ABI2: variants seen among roughly 807,000 people sequenced by gnomAD.
The protein encoded by ABI2 is abelson interactor 2.
ABI2 carries 25 observed loss-of-function variants against 59.2 expected under a neutral mutation model. The ratio of observed to expected loss-of-function variants is 0.42; its 90% CI spans 0.31 to 0.59. The LOEUF (loss-of-function observed/expected upper bound fraction) is 0.59, where lower values mean the gene tolerates loss of function less well. Ranked by LOEUF, ABI2 falls within the 20% of genes least tolerant of loss-of-function variation. ABI2 has a pLI of 0.14. For missense variants in ABI2, 545 were observed against 681.8 expected, an observed-to-expected ratio of 0.80 and a Z score of 2.23; for synonymous variants, 213 against 235.5, an observed-to-expected ratio of 0.90 and a Z score of 0.87.
At chr2:203,381,417 G>A (rs533873220) in intron 3 of ABI2, among the ~76,000 whole-genome samples, 4 of 152,218 alleles carry the variant, frequency 2.6e-5, no homozygotes, top group East Asian at 1.9e-4. Context: ...CTACAGGCAC[G>A]TGCCACCATG....
chr2:203,426,109 A>T (rs1032962117), intron 11 of ABI2, among the ~76,000 whole-genome samples: 7 of 152,200 alleles, frequency 4.6e-5, no homozygotes, highest in African/African-American at 1.7e-4. Context: ...ATTTTTATTA[A>T]AACAGGCCAG....
chr2:203,335,871 G>A (rs980543228), intron 1 of ABI2, among the ~76,000 whole-genome samples: 1 of 152,046 alleles, frequency 6.6e-6, no homozygotes, highest in Non-Finnish European at 1.5e-5. Flanking sequence ...AGGTGTAAAG[G>A]TTTATGAATT....
At chr2:203,350,072 T>A (rs1438948316) in intron 1 of ABI2, among the ~76,000 whole-genome samples, 1 of 152,186 alleles carries the variant, frequency 6.6e-6, no homozygotes, top group Non-Finnish European at 1.5e-5. Context: ...GACTGTCTCT[T>A]TATTTAAATT....
chr2:203,387,863 G>A (rs1038230279), intron 4 of ABI2, among the ~76,000 whole-genome samples: 2 of 152,086 alleles, frequency 1.3e-5, no homozygotes, highest in Admixed American at 6.6e-5. Context: ...TGTCGCTGTC[G>A]TTAAGTTCCT....
intron 11 of ABI2, 57 bp from the exon 12 acceptor site, chr2:203,427,119 CT>C: frequency 3.3e-6 from 5 of 1,501,704 alleles, no homozygotes; most frequent in Non-Finnish European, 4.6e-6. Context: ...TGGCTTGGTT[CT>C]GTCTTTCTAG....
chr2:203,354,062 T>C (rs1318806622), intron 1 of ABI2, among the ~76,000 whole-genome samples: 1 of 152,218 alleles, frequency 6.6e-6, no homozygotes, highest in Non-Finnish European at 1.5e-5. Flanking sequence ...TATTTATTTT[T>C]GAGACAAGGT....
At chr2:203,359,081 C>T (rs1332478742) in intron 1 of ABI2, among the ~76,000 whole-genome samples, 2 of 152,116 alleles carry the variant, frequency 1.3e-5, no homozygotes, top group Admixed American at 6.6e-5. Context: ...TGAACAAAAT[C>T]ACTGTGGGCC....
chr2:203,413,045 G>GT (rs372464516), intron 10 of ABI2, among the ~76,000 whole-genome samples: 1 of 152,180 alleles, frequency 6.6e-6, no homozygotes, highest in Non-Finnish European at 1.5e-5. Context: ...TACCCTGGGA[G>GT]TTTTTTCTGT....
intron 9 of ABI2, among the ~76,000 whole-genome samples, chr2:203,409,794 T>C (rs1280638131): frequency 6.6e-6 from 1 of 152,188 alleles, no homozygotes; most frequent in African/African-American, 2.4e-5. Flanking sequence ...TGTTTTCATA[T>C]CACATTTATG....
At chr2:203,423,340 C>T (rs146494559) in intron 11 of ABI2, among the ~76,000 whole-genome samples, 69 of 152,290 alleles carry the variant, frequency 4.5e-4, no homozygotes, top group African/African-American at 1.5e-3. Context: ...TGGGCCCTTA[C>T]CTCCAGGAGT....
intron 6 of ABI2, 33 bp from the exon 7 acceptor site, chr2:203,395,623 A>G: frequency 1.3e-6 from 2 of 1,595,900 alleles, no homozygotes; most frequent in South Asian, 2.3e-5. Context: ...CTGTTTATAA[A>G]TACTCATGTT....
intron 1 of ABI2, among the ~76,000 whole-genome samples, chr2:203,329,717 C>T (rs1389258025): frequency 2.7e-5 from 4 of 150,316 alleles, no homozygotes; most frequent in Non-Finnish European, 5.9e-5. Context: ...GCTCCCACCT[C>T]CATCTCTCCA....
chr2:203,396,652 CT>C, intron 7 of ABI2, 132 bp from the exon 8 acceptor site: 2 of 969,704 alleles, frequency 2.1e-6, no homozygotes, highest in Non-Finnish European at 2.7e-6. Flanking sequence ...AAGTTTTATT[CT>C]TTTTTTCAAC....
At chr2:203,405,662 T>A (rs917283735) in intron 9 of ABI2, among the ~76,000 whole-genome samples, 1 of 152,226 alleles carries the variant, frequency 6.6e-6, no homozygotes, top group Non-Finnish European at 1.5e-5. Context: ...AAGTAACTAA[T>A]TCTCTGATTT....
chr2:203,393,309 C>T (rs2096844110), intron 5 of ABI2, among the ~76,000 whole-genome samples: 1 of 152,222 alleles, frequency 6.6e-6, no homozygotes, highest in South Asian at 2.1e-4. Flanking sequence ...CCTGCCCCGG[C>T]CTCCCGAAGT....
intron 1 of ABI2, among the ~76,000 whole-genome samples, chr2:203,336,279 G>A (rs2076402760): frequency 6.6e-6 from 1 of 152,188 alleles, no homozygotes; most frequent in Admixed American, 6.5e-5. Context: ...AGGTGTTGGT[G>A]CAACCTAAGT....
chr2:203,405,498 C>T lies in ABI2; in HGVS notation c.1192+2764C>T, dbSNP rs572020163. 5.2e-4 allele frequency among the ~76,000 whole-genome samples: 79 copies of T among 151,800 alleles called. 1 individual carries two copies. Among genetic ancestry groups the T allele is most frequent in the Admixed American group, 2.2e-3 (33 of 15,258 alleles). On this transcript the variant is annotated intron_variant, in intron 9 of 11. Coordinates refer to ENST00000261018, the MANE Select transcript of ABI2 (RefSeq NM_001375670.1). ...CTAGGAGATGGAAGTTTCAGTGAGC[C>T]GAGATTGTGCCACTGTACTCCAGCC...
chr2:203,367,165 C>T (rs1367074725), intron 2 of ABI2, 121 bp downstream of exon 2: 13 of 1,292,146 alleles, frequency 1.0e-5, no homozygotes, highest in South Asian at 4.8e-5. Context: ...TGGAAAATAG[C>T]AACTTAATAT....
intron 10 of ABI2, among the ~76,000 whole-genome samples, chr2:203,413,579 G>A (rs752462227): frequency 5.3e-5 from 8 of 151,924 alleles, no homozygotes; most frequent in African/African-American, 7.3e-5. Flanking sequence ...AATCATATAC[G>A]TTTCTCATTT....
Sources: gnomAD v4.1 joint callset for allele counts (sites outside exome capture counted in the v4.1 genomes callset) on GRCh38, gnomAD v4.1.1 for gene constraint, MANE v1.5 for transcripts, NCBI Gene and HGNC (gene_info 2026-07-23, HGNC 2026-07-21) for gene names.